PSME4: variants seen among roughly 807,000 people sequenced by gnomAD.
PSME4 encodes proteasome activator subunit 4.
Under a neutral mutation model 253.9 loss-of-function variants are expected in PSME4, and 89 were observed. The ratio of observed to expected loss-of-function variants is 0.35; its 90% CI spans 0.30 to 0.42. PSME4 has a LOEUF of 0.42. PSME4 is among the 10% of genes least tolerant of loss of function. PSME4 has a pLI of 1.00. For synonymous variants in PSME4, 851 were observed against 759.2 expected (o/e 1.12, Z -1.99); for missense variants, 2,014 against 2,195.2 (o/e 0.92, Z 1.65).
chr2:53,932,655 C>T lies in PSME4; in HGVS notation c.1050+13G>A, dbSNP rs746017978. The T allele has an allele frequency of 3.8e-6, 6 of 1,594,406 alleles. No homozygotes were observed. The highest frequency in any genetic ancestry group is 4.3e-6 in the Non-Finnish European group (5 of 1,162,220). On this transcript the variant is annotated intron_variant, in intron 9 of 46. Transcript: ENST00000404125. ...AAATTCCAAGCCCTATAATGCAAAA[C>T]GAAGTTACTCACCAGCCAGCGCCCA...
rs776716793 is a variant in PSME4, at chr2:53,887,985, G to C, written c.4393C>G (p.Leu1465Val). The C allele has an allele frequency of 2.5e-6, 4 of 1,609,676 alleles. No individual in the cohort carries two copies. The highest frequency in any genetic ancestry group is 3.4e-6 in the Non-Finnish European group (4 of 1,178,434). Residue 1465 changes from leucine to valine, a missense_variant, in exon 39 of 47, where the codon CTT becomes GTT. By Grantham distance (32) the Leu-to-Val change is conservative (BLOSUM62 1). Transcript: ENST00000404125. The stretch of plus-strand genomic sequence containing the variant: ...GCAAGGCCACCTTGTAGTACATAAA[G>C]TCGACTAAAATTAAAGCATCGTAGT... Reference protein sequence around the residue: ...EGGSFVDACRLYVLQGGLAQQ... With the variant: ...EGGSFVDACRVYVLQGGLAQQ...
chr2:53,883,077 T>C (rs904850580), intron 41 of PSME4, among the ~76,000 whole-genome samples: 4 of 152,136 alleles, frequency 2.6e-5, no homozygotes, highest in Admixed American at 2.6e-4. Context: ...GTAATGGTAG[T>C]TTATGAATAT....
intron 10 of PSME4, among the ~76,000 whole-genome samples, chr2:53,929,351 G>C (rs918379179): frequency 1.3e-5 from 2 of 152,044 alleles, no homozygotes; most frequent in Non-Finnish European, 2.9e-5. Flanking sequence ...GAGTGCAGTG[G>C]CCTGATCACA....
rs186875244 is a variant in PSME4, at chr2:53,897,262, C to T, written c.3607-377G>A. On this transcript the variant is annotated intron_variant, in intron 31 of 46. Transcript: ENST00000404125. Reference sequence around the variant, plus strand: ...TCAGCTCACTGCAACCTCCCCCTCCCGGGTTCAAGCGATTCTACTGCCTCA... The same window carrying T: ...TCAGCTCACTGCAACCTCCCCCTCCTGGGTTCAAGCGATTCTACTGCCTCA... 4.6e-5 allele frequency among the ~76,000 whole-genome samples: 7 copies of T among 151,858 alleles called. No homozygotes were observed. In the East Asian group the frequency reaches 5.8e-4, roughly 13 times the overall value.
intron 43 of PSME4, chr2:53,870,703 C>T (rs1469523244): frequency 2.0e-5 from 3 of 152,064 alleles, no homozygotes; most frequent in African/African-American, 7.2e-5. Context: ...TAAATACTGA[C>T]TAGATTGCTT....
intron 17 of PSME4, 84 bp downstream of exon 17, chr2:53,922,433 A>G: frequency 7.1e-7 from 1 of 1,414,330 alleles, no homozygotes; most frequent in Non-Finnish European, 9.9e-7. Flanking sequence ...TATGTTTTAA[A>G]GTCATTTTGT....
chr2:53,890,083 G>C (rs778609991), intron 37 of PSME4, 21 bp downstream of exon 37: 1 of 1,558,106 alleles, frequency 6.4e-7, no homozygotes, highest in South Asian at 1.1e-5. Flanking sequence ...GTTAGACAAA[G>C]AAAGATGTAG....
chr2:53,906,973 A>C, intron 24 of PSME4, 105 bp from the exon 25 acceptor site: 1 of 939,450 alleles, frequency 1.1e-6, no homozygotes, highest in South Asian at 1.5e-5. Flanking sequence ...TCCCTGGTTG[A>C]CTGGTGAGTG....
chr2:53,894,176 G>T (rs978926746), intron 34 of PSME4, among the ~76,000 whole-genome samples: 5 of 152,186 alleles, frequency 3.3e-5, no homozygotes, highest in Admixed American at 1.3e-4. Context: ...AACACCAGAA[G>T]TTAAAAGGCA....
chr2:53,911,113 T>C (rs115273868), intron 20 of PSME4, among the ~76,000 whole-genome samples: 1,886 of 152,320 alleles, frequency 0.012, 46 homozygotes, highest in African/African-American at 0.044. Context: ...TTGACAGTTA[T>C]GAATTCAGGT....
At chr2:53,881,231 A>AAC (rs1679376484) in intron 41 of PSME4, among the ~76,000 whole-genome samples, 1 of 152,222 alleles carries the variant, frequency 6.6e-6, no homozygotes, top group African/African-American at 2.4e-5. Flanking sequence ...GTTTTTCTAA[A>AAC]GAAATACCAA....
At chr2:53,869,603 G>A in intron 43 of PSME4, 65 bp from the exon 44 acceptor site, 2 of 1,314,706 alleles carry the variant, frequency 1.5e-6, no homozygotes, top group Admixed American at 2.2e-5. Context: ...GGAGGATAGG[G>A]GGTAGTGTGG....
chr2:53,914,364 G>A (rs1667963433), intron 20 of PSME4, among the ~76,000 whole-genome samples: 1 of 152,128 alleles, frequency 6.6e-6, no homozygotes, highest in African/African-American at 2.4e-5. Flanking sequence ...AGAATTATGA[G>A]TATAAACTAT....
intron 1 of PSME4, among the ~76,000 whole-genome samples, chr2:53,952,079 T>C (rs1441610841): frequency 1.4e-5 from 2 of 146,736 alleles, no homozygotes; most frequent in Non-Finnish European, 3.0e-5. Context: ...ATTTTTAAGA[T>C]AAAGACAGAA....
At chr2:53,964,308 A>G (rs1573387638) in intron 1 of PSME4, among the ~76,000 whole-genome samples, 1 of 152,240 alleles carries the variant, frequency 6.6e-6, no homozygotes, top group East Asian at 1.9e-4. Flanking sequence ...TTTGCTGTGA[A>G]CCTAAAATTG....
chr2:53,901,525 C>T lies in PSME4; in HGVS notation c.3110G>A (p.Gly1037Asp). The T allele has an allele frequency of 1.2e-6, 2 of 1,613,024 alleles. No individual in the cohort carries two copies. The highest frequency in any genetic ancestry group is 1.7e-6 in the Non-Finnish European group (2 of 1,179,232). The change falls in exon 28 of 47, where the codon GGT (glycine) becomes GAT (aspartate). Residue 1037 changes from glycine to aspartate, a missense_variant. Physicochemically the swap from Gly to Asp is moderately conservative, Grantham distance 94. Around this residue, in one of 4 missense-constraint regions of PSME4, gnomAD observed 989 missense variants for 1,021.1 expected, o/e 0.97. Transcript: ENST00000404125. Reference protein sequence around the residue: ...ALYCLLGNHSGVCLANLHDWD... With the variant: ...ALYCLLGNHSDVCLANLHDWD... ...ATCATGAAGGTTTGCCAAGCACACA[C>T]CACTGTGATTTCCAAGGAGACAGTA...
At chr2:53,927,288 T>C (rs1390300226) in intron 12 of PSME4, 106 bp downstream of exon 12, 11 of 805,800 alleles carry the variant, frequency 1.4e-5, no homozygotes, top group African/African-American at 1.4e-4. Flanking sequence ...AGTCACAAAA[T>C]AGTGATTTTA....
chr2:53,967,854 T>A (rs1478204698), intron 1 of PSME4, among the ~76,000 whole-genome samples: 9 of 152,070 alleles, frequency 5.9e-5, no homozygotes, highest in Non-Finnish European at 1.2e-4. Context: ...TCTATGCAAC[T>A]GTTTCCAGTA....
At chr2:53,871,582 C>G (rs903615957) in intron 43 of PSME4, among the ~76,000 whole-genome samples, 3 of 152,120 alleles carry the variant, frequency 2.0e-5, no homozygotes, top group Non-Finnish European at 4.4e-5. Context: ...AATACCACCA[C>G]CACTCTGAGT....
Sources: gnomAD v4.1 joint callset for allele counts (sites outside exome capture counted in the v4.1 genomes callset) on GRCh38, gnomAD v4.1.1 for gene constraint, gnomAD v4.1.1 regional missense constraint, MANE v1.5 for transcripts, NCBI Gene and HGNC (gene_info 2026-07-23, HGNC 2026-07-21) for gene names.